PGM5: variants seen among roughly 807,000 people sequenced by gnomAD.
PGM5 encodes phosphoglucomutase-like protein 5.
Under a neutral mutation model 59.2 loss-of-function variants are expected in PGM5, and 23 were observed. The observed-to-expected ratio is 0.39, with a 90% CI of 0.28 to 0.55. The LOEUF is 0.55. Among genes scored for constraint, PGM5 ranks in the 20% least tolerant of loss-of-function variants. The pLI, the probability that PGM5 is intolerant of heterozygous loss-of-function variation, is 0.66. For missense variants in PGM5, 574 were observed against 748.3 expected (o/e 0.77, Z 2.72); for synonymous variants, 214 against 286.0 (o/e 0.75, Z 2.54).
intron 10 of PGM5, among the ~76,000 whole-genome samples, chr9:68,513,026 G>A (rs1824776004): frequency 6.6e-6 from 1 of 152,176 alleles, no homozygotes; most frequent in Admixed American, 6.5e-5. Context: ...TTGGCCTAAG[G>A]CCTATAATTT....
At chr9:68,466,131 A>C in intron 7 of PGM5, 8 of 1,295,254 alleles carry the variant, frequency 6.2e-6, no homozygotes, top group Non-Finnish European at 8.1e-6. Context: ...TTTCTGATTT[A>C]TTTCTCCCCT....
At chr9:68,429,634 G>C (rs919317879) in intron 6 of PGM5, among the ~76,000 whole-genome samples, 38 of 152,100 alleles carry the variant, frequency 2.5e-4, no homozygotes, top group Admixed American at 6.6e-4. Flanking sequence ...AATGAAATAG[G>C]GGGTGACAAA....
intron 6 of PGM5, among the ~76,000 whole-genome samples, chr9:68,418,945 T>C (rs2132045848): frequency 6.6e-6 from 1 of 152,192 alleles, no homozygotes; most frequent in African/African-American, 2.4e-5. Flanking sequence ...AGCTTTATAG[T>C]CGGCTGAAAA....
Position 68,432,617 on chromosome 9 carries a change from T to A in PGM5, c.1044-32476T>A, listed in dbSNP as rs528717494. Among the ~76,000 whole-genome samples, 24 of 152,208 alleles carry A rather than the reference T, an allele frequency of 1.6e-4. No homozygotes were observed. In the South Asian group the frequency reaches 3.1e-3, roughly 20 times the overall value. On this transcript the variant is annotated intron_variant, in intron 6 of 10. Transcript: ENST00000396396. ...GTCAGAATATTTAAATGTACCATTT[T>A]TTTTTTGAGACAGTATCTCACTCTG...
intron 6 of PGM5, chr9:68,426,808 G>A (rs1293607543): frequency 6.6e-6 from 1 of 152,132 alleles, no homozygotes; most frequent in Non-Finnish European, 1.5e-5. Context: ...GAAAGATTCA[G>A]AATCTACATT....
At chr9:68,465,927 G>A (rs1423408342) in intron 7 of PGM5, among the ~76,000 whole-genome samples, 1 of 152,114 alleles carries the variant, frequency 6.6e-6, no homozygotes, top group Non-Finnish European at 1.5e-5. Context: ...ATGCATGTAT[G>A]TATTTAACCC....
chr9:68,499,275 A>G lies in PGM5; in HGVS notation c.1528A>G (p.Ser510Gly), dbSNP rs1423200408. Residue 510 changes from serine to glycine, a missense_variant, in exon 10 of 11, where the codon AGT (serine) becomes GGT (glycine). This residue lies in a region of PGM5 where 300 missense variants were observed against 280.0 expected (regional missense o/e 1.07). Coordinates refer to ENST00000396396, the MANE Select transcript of PGM5 (RefSeq NM_021965.4). ...TGCATCACGGCTCATCTTCCGGCTCAGTTCCTCCAGTGGTGTGCGGGCCAC... is the reference window on the plus strand; with the variant it reads ...TGCATCACGGCTCATCTTCCGGCTCGGTTCCTCCAGTGGTGTGCGGGCCAC... ...SDASRLIFRLSSSSGVRATLR... is the reference protein window; with the variant it reads ...SDASRLIFRLGSSSGVRATLR... The G allele has an allele frequency of 6.2e-7, 1 of 1,614,166 alleles. No homozygotes were observed. Among genetic ancestry groups the G allele is most frequent in the Non-Finnish European group, 8.5e-7 (1 of 1,180,032 alleles).
chr9:68,437,797 G>A lies in PGM5; in HGVS notation c.1044-27296G>A, dbSNP rs1454796121. Among the ~76,000 whole-genome samples, 1 of 152,146 alleles carries A rather than the reference G, an allele frequency of 6.6e-6. No individual in the cohort carries two copies. Among genetic ancestry groups the A allele is most frequent in the African/African-American group, 2.4e-5 (1 of 41,420 alleles). Reference sequence around the variant, plus strand: ...GTTGTTGTGGTATTATTGAAAAATTGCAGTTCTGGCAGTACTGGGCCTACA... The same window carrying A: ...GTTGTTGTGGTATTATTGAAAAATTACAGTTCTGGCAGTACTGGGCCTACA... On this transcript the variant is annotated intron_variant, in intron 6 of 10. Transcript: ENST00000396396. The surrounding 1 kb of genome is among the most constrained non-coding windows in gnomAD (Gnocchi z 4.1).
At chr9:68,451,031 A>C (rs1160886203) in intron 6 of PGM5, among the ~76,000 whole-genome samples, 2 of 152,206 alleles carry the variant, frequency 1.3e-5, no homozygotes, top group African/African-American at 4.8e-5. Context: ...GGTCCTGCTG[A>C]GTTAAACTAT....
chr9:68,408,325 C>T (rs1195729362), intron 6 of PGM5, among the ~76,000 whole-genome samples: 48 of 152,262 alleles, frequency 3.2e-4, no homozygotes, highest in African/African-American at 1.0e-3. Context: ...TGGGCTGACT[C>T]GAGGAAGAGC....
chr9:68,473,094 G>T (rs946978159), intron 7 of PGM5, among the ~76,000 whole-genome samples: 18 of 152,054 alleles, frequency 1.2e-4, no homozygotes, highest in African/African-American at 4.1e-4. Flanking sequence ...CTATCTATCA[G>T]TCTACCGATC....
In PGM5 at chr9:68,455,241, C is replaced by G. The variant is rs183847697; in HGVS notation, c.1044-9852C>G. On this transcript the variant is annotated intron_variant, in intron 6 of 10. Coordinates refer to ENST00000396396, the MANE Select transcript of PGM5 (RefSeq NM_021965.4). ...CATGGTATTCTGAACCCACCATGGA[C>G]AGCTGACACTCACATTCCCAAAGGG... is the stretch of plus-strand genomic sequence containing the variant. Among the ~76,000 whole-genome samples the G allele has an allele frequency of 1.3e-3, 201 of 152,282 alleles. 2 individuals carry two copies. Among genetic ancestry groups the G allele is most frequent in the Admixed American group, 0.013 (194 of 15,304 alleles).
chr9:68,408,941 G>A (rs1402232569), intron 6 of PGM5, among the ~76,000 whole-genome samples: 1 of 151,914 alleles, frequency 6.6e-6, no homozygotes, highest in Admixed American at 6.6e-5. Context: ...CTATATCTCT[G>A]TTTTGGTACC....
At chr9:68,483,738 A>T in intron 8 of PGM5, 127 bp from the exon 9 acceptor site, 1 of 727,238 alleles carries the variant, frequency 1.4e-6, no homozygotes, top group East Asian at 2.7e-5. Context: ...AAGAGGGGAG[A>T]TGAGTTGAAG....
intron 6 of PGM5, among the ~76,000 whole-genome samples, chr9:68,409,849 T>C (rs1422304483): frequency 7.1e-6 from 1 of 140,616 alleles, no homozygotes; most frequent in African/African-American, 2.6e-5. Context: ...ACAATGTGCA[T>C]ATGTACCCTA....
At chr9:68,389,667 C>A (rs12236622) in intron 4 of PGM5, among the ~76,000 whole-genome samples, 7,039 of 152,050 alleles carry the variant, frequency 0.046, 585 homozygotes, top group East Asian at 0.4. Flanking sequence ...AATTAGATTT[C>A]TTTTTCTTCT....
intron 6 of PGM5, among the ~76,000 whole-genome samples, chr9:68,409,994 G>A (rs1360944353): frequency 6.6e-6 from 1 of 152,136 alleles, no homozygotes; most frequent in African/African-American, 2.4e-5. Context: ...AGAAGGGCTG[G>A]GATAGTGGCT....
At position 68,531,057 on chromosome 9, in the gene PGM5, C is replaced by T. The variant is rs975523519; in HGVS notation, c.*1401C>T. On this transcript the variant is annotated 3_prime_UTR_variant, in exon 11 of 11. Transcript: ENST00000396396. Reference sequence around the variant, plus strand: ...ATAAAAAAGAAATTCCTAATTTCAACCTTATCCAAGGATTGTGGGTTTTTA... The same window carrying T: ...ATAAAAAAGAAATTCCTAATTTCAATCTTATCCAAGGATTGTGGGTTTTTA... 4 of 152,184 alleles carry T rather than the reference C, an allele frequency of 2.6e-5. No individual in the cohort carries two copies. Among genetic ancestry groups the T allele is most frequent in the African/African-American group, 9.7e-5 (4 of 41,434 alleles). 9.4% of individuals were successfully genotyped at this position (152,184 alleles called of 1,614,324 possible). A position where few individuals can be genotyped will look rare whatever the true frequency, so the allele number is the denominator to read the frequency against.
intron 6 of PGM5, among the ~76,000 whole-genome samples, chr9:68,459,023 A>T (rs1823819588): frequency 6.6e-6 from 1 of 152,186 alleles, no homozygotes; most frequent in African/African-American, 2.4e-5. Context: ...CAATGTGAAA[A>T]TATTGAAGAG....
Sources: allele counts gnomAD v4.1 joint callset (sites outside exome capture counted in the v4.1 genomes callset), GRCh38; gene constraint gnomAD v4.1.1; regional missense constraint gnomAD v4.1.1; non-coding constraint Gnocchi (gnomAD v3.1); transcripts MANE v1.5; gene names NCBI Gene and HGNC (gene_info 2026-07-23, HGNC 2026-07-21).